CBLN2: variants seen among roughly 807,000 people sequenced by gnomAD.
CBLN2 encodes the protein cerebellin-2.
CBLN2 carries 7 observed loss-of-function variants against 15.0 expected under a neutral mutation model. That is an observed-to-expected ratio of 0.47 (90% CI 0.27 to 0.88). CBLN2 has a LOEUF of 0.88. Among genes scored for constraint, CBLN2 ranks in the 40% least tolerant of loss-of-function variants. The pLI is 0.14. For synonymous variants in CBLN2, 149 were observed against 135.2 expected (o/e 1.10, Z -0.71); for missense variants, 242 against 304.5 (o/e 0.79, Z 1.53).
At chr18:72,557,067 T>A (rs939079210) in intron 1 of CBLN2, among the ~76,000 whole-genome samples, 5 of 151,584 alleles carry the variant, frequency 3.3e-5, no homozygotes, top group African/African-American at 9.7e-5. Context: ...TCTACTCAGT[T>A]TTTCCCCTAC....
chr18:72,571,849 A>AT (rs904340020), intron 1 of CBLN2, among the ~76,000 whole-genome samples: 11 of 152,170 alleles, frequency 7.2e-5, no homozygotes, highest in Middle Eastern at 3.4e-3. Flanking sequence ...TCGAGAGACG[A>AT]TTTTTTTTGA....
In CBLN2 at chr18:72,538,353, G is replaced by A. The variant is rs200659657; in HGVS notation, c.498C>T (p.Gly166=). ...CTGCAAAGGCCGAGATCACTGGGTA[G>A]CCATTCTGCATTAAACTGACCTAAA... ...QTIQVSLMQN[G]YPVISAFAGD... Residue 166 remains glycine, a synonymous_variant, in exon 5 of 5, where the codon GGC becomes GGT. Transcript: ENST00000269503. 1.9e-5 allele frequency: 31 copies of A among 1,614,134 alleles called. No individual in the cohort carries two copies. The highest frequency in any genetic ancestry group is 2.6e-5 in the Non-Finnish European group (31 of 1,180,036).
At chr18:72,548,592 T>C (rs1328569429), upstream of CBLN2, among the ~76,000 whole-genome samples, 1 of 152,198 alleles carries the variant, frequency 6.6e-6, no homozygotes, top group Non-Finnish European at 1.5e-5. Flanking sequence ...ATACTGATCA[T>C]AAGTTTTTAA....
chr18:72,548,527 C>A (rs919999087), upstream of CBLN2, among the ~76,000 whole-genome samples: 1 of 152,108 alleles, frequency 6.6e-6, no homozygotes, highest in Non-Finnish European at 1.5e-5. Flanking sequence ...CTAAAAATAC[C>A]TGGTTATCGC....
chr18:72,616,159 T>C (rs2069660702), intron 1 of CBLN2, among the ~76,000 whole-genome samples: 1 of 152,182 alleles, frequency 6.6e-6, no homozygotes, highest in Non-Finnish European at 1.5e-5. Flanking sequence ...AATCAATGTT[T>C]TGCATTCCAG....
At chr18:72,551,039 C>T (rs968329699) in intron 1 of CBLN2, among the ~76,000 whole-genome samples, 2 of 151,970 alleles carry the variant, frequency 1.3e-5, no homozygotes, top group South Asian at 2.1e-4. Context: ...CACCCATAAA[C>T]TGTAATTTCA....
intron 1 of CBLN2, among the ~76,000 whole-genome samples, chr18:72,591,975 T>C (rs1336358088): frequency 6.6e-6 from 1 of 152,206 alleles, no homozygotes; most frequent in Non-Finnish European, 1.5e-5. Context: ...TATAGATATC[T>C]CTTCAACATA....
intron 1 of CBLN2, among the ~76,000 whole-genome samples, chr18:72,597,534 C>T (rs1344176693): frequency 6.6e-6 from 1 of 152,170 alleles, no homozygotes; most frequent in Non-Finnish European, 1.5e-5. Flanking sequence ...CCATGGTAAC[C>T]ATAGTCTAGC....
intron 1 of CBLN2, among the ~76,000 whole-genome samples, chr18:72,616,176 G>A (rs1247489916): frequency 6.6e-6 from 1 of 152,094 alleles, no homozygotes; most frequent in African/African-American, 2.4e-5. Context: ...CCAGAAAGTG[G>A]CTTCTAATAT....
chr18:72,582,796 G>A (rs527814286), intron 1 of CBLN2, among the ~76,000 whole-genome samples: 1 of 152,300 alleles, frequency 6.6e-6, no homozygotes, highest in South Asian at 2.1e-4. Flanking sequence ...AACCCCAGTG[G>A]AAACATGAGA....
chr18:72,638,366 T>C (rs2069827685), exon 1 of CBLN2: 1 of 398,462 alleles, frequency 2.5e-6, no homozygotes, highest in African/African-American at 2.1e-5. Flanking sequence ...AATGAAAATA[T>C]GTCCCAGCAG....
intron 1 of CBLN2, among the ~76,000 whole-genome samples, chr18:72,577,705 A>G (rs2069376996): frequency 6.6e-6 from 1 of 152,206 alleles, no homozygotes; most frequent in African/African-American, 2.4e-5. Context: ...TTTTATTTCT[A>G]ACGTGCTTTG....
intron 1 of CBLN2, among the ~76,000 whole-genome samples, chr18:72,592,272 T>A (rs1469848547): frequency 6.6e-6 from 1 of 152,156 alleles, no homozygotes; most frequent in Non-Finnish European, 1.5e-5. Flanking sequence ...CAACTTTTCC[T>A]ATAACTGTTT....
chr18:72,599,522 G>A (rs953850940), intron 1 of CBLN2, among the ~76,000 whole-genome samples: 2 of 152,218 alleles, frequency 1.3e-5, no homozygotes, highest in South Asian at 4.1e-4. Flanking sequence ...TCCATTTATA[G>A]AACTAATTTT....
chr18:72,553,600 A>T (rs139639181), intron 1 of CBLN2, among the ~76,000 whole-genome samples: 1 of 152,304 alleles, frequency 6.6e-6, no homozygotes, highest in African/African-American at 2.4e-5. Context: ...TAAGTAGAAA[A>T]TATAATTTTA....
chr18:72,604,279 C>T (rs1014345312), intron 1 of CBLN2, among the ~76,000 whole-genome samples: 2 of 152,160 alleles, frequency 1.3e-5, no homozygotes, highest in African/African-American at 4.8e-5. Flanking sequence ...CTTCATTCCT[C>T]TCCTTGTTTT....
intron 1 of CBLN2, among the ~76,000 whole-genome samples, chr18:72,554,690 A>T (rs1037003481): frequency 6.6e-6 from 1 of 152,188 alleles, no homozygotes; most frequent in African/African-American, 2.4e-5. Flanking sequence ...AGTGACAAAA[A>T]GTTACATACG....
At chr18:72,544,714 C>G (rs1398521587), upstream of CBLN2, 3 of 152,074 alleles carry the variant, frequency 2.0e-5, no homozygotes, top group Admixed American at 1.3e-4. Flanking sequence ...CCTGGCAAAA[C>G]CAAGCAGCAC....
chr18:72,626,568 C>T (rs775753596), intron 1 of CBLN2, among the ~76,000 whole-genome samples: 23 of 152,066 alleles, frequency 1.5e-4, no homozygotes, highest in Non-Finnish European at 2.4e-4. Flanking sequence ...GGCGTGGTGG[C>T]GGGCGCCTGT....
Sources: gnomAD v4.1 joint callset for allele counts (sites outside exome capture counted in the v4.1 genomes callset) on GRCh38, gnomAD v4.1.1 for gene constraint, MANE v1.5 for transcripts, NCBI Gene and HGNC (gene_info 2026-07-23, HGNC 2026-07-21) for gene names.